The following OSBPL10 variants were observed in gnomAD, a reference collection of about 807,000 sequenced individuals.
OSBPL10 encodes oxysterol binding protein like 10.
Under a neutral mutation model 81.7 loss-of-function variants are expected in OSBPL10, and 49 were observed. The observed-to-expected ratio is 0.60, with a 90% CI of 0.48 to 0.76. OSBPL10 has a LOEUF of 0.76. Ranked by LOEUF, OSBPL10 falls within the 30% of genes least tolerant of loss-of-function variation. The pLI, the probability that OSBPL10 is intolerant of heterozygous loss-of-function variation, is 0.00. For synonymous variants in OSBPL10, 419 were observed against 383.6 expected, an observed-to-expected ratio of 1.09 and a Z score of -1.08; for missense variants, 923 against 987.8, an observed-to-expected ratio of 0.93 and a Z score of 0.88.
At chr3:31,978,581 C>T (rs186741233) in intron 1 of OSBPL10, among the ~76,000 whole-genome samples, 1 of 152,158 alleles carries the variant, frequency 6.6e-6, no homozygotes, top group Non-Finnish European at 1.5e-5. Flanking sequence ...CCTCAGCCAT[C>T]GTTCAAAGAA....
chr3:32,016,365 A>G lies in OSBPL10; in HGVS notation n.298+30126T>C, dbSNP rs11926583. On this transcript the variant is annotated intron_variant and non_coding_transcript_variant, in intron 2 of 3. Coordinates refer to the OSBPL10 transcript ENST00000479173. Reference sequence around the variant, plus strand: ...GCAAGGACAAAAAACCAAACACCGCATGTTCTCACTCATAGGTGGGAATTG... The same window carrying G: ...GCAAGGACAAAAAACCAAACACCGCGTGTTCTCACTCATAGGTGGGAATTG... Among the ~76,000 whole-genome samples, 61 of 152,188 alleles carry G rather than the reference A, an allele frequency of 4.0e-4. 2 individuals carry two copies. Among genetic ancestry groups the G allele is most frequent in the Non-Finnish European group, 6.5e-4 (44 of 68,012 alleles).
intron 10 of OSBPL10, among the ~76,000 whole-genome samples, chr3:31,667,172 A>G (rs974476025): frequency 1.3e-5 from 2 of 152,254 alleles, no homozygotes; most frequent in Non-Finnish European, 2.9e-5. Flanking sequence ...TCATGATATG[A>G]ACCACAGGTT....
At chr3:31,868,982 G>A (rs1701250509) in intron 3 of OSBPL10, among the ~76,000 whole-genome samples, 1 of 152,162 alleles carries the variant, frequency 6.6e-6, no homozygotes, top group Admixed American at 6.5e-5. Flanking sequence ...ACATAGCCAC[G>A]AATGGATTAA....
chr3:31,863,251 G>T (rs1046846578), intron 3 of OSBPL10, among the ~76,000 whole-genome samples: 1 of 152,168 alleles, frequency 6.6e-6, no homozygotes, highest in Admixed American at 6.5e-5. Context: ...GTTGCCAGGG[G>T]CTGGGAAGAC....
intron 1 of OSBPL10, among the ~76,000 whole-genome samples, chr3:31,927,380 C>T (rs1226188746): frequency 6.6e-6 from 1 of 152,108 alleles, no homozygotes; most frequent in Non-Finnish European, 1.5e-5. Flanking sequence ...TAACTGTTTC[C>T]ATTAGAACAC....
At chr3:31,850,596 T>C (rs1312362311) in intron 3 of OSBPL10, among the ~76,000 whole-genome samples, 1 of 151,640 alleles carries the variant, frequency 6.6e-6, no homozygotes. Flanking sequence ...GTGAGAAAAA[T>C]TTCACTCTCC....
At chr3:31,898,218 G>A (rs749345516) in intron 1 of OSBPL10, among the ~76,000 whole-genome samples, 3 of 151,780 alleles carry the variant, frequency 2.0e-5, no homozygotes, top group Non-Finnish European at 2.9e-5. Context: ...CGCATAGCAG[G>A]GTGACTATAG....
chr3:31,729,993 G>A (rs752045256), intron 6 of OSBPL10, among the ~76,000 whole-genome samples: 1 of 152,232 alleles, frequency 6.6e-6, no homozygotes, highest in Admixed American at 6.5e-5. Flanking sequence ...CCAACTGTAA[G>A]AAAGTCTGGG....
At chr3:31,907,785 A>C (rs532664409) in intron 1 of OSBPL10, among the ~76,000 whole-genome samples, 1 of 152,238 alleles carries the variant, frequency 6.6e-6, no homozygotes, top group Admixed American at 6.5e-5. Context: ...TTCACTGCCA[A>C]AGACTCCTCT....
chr3:31,725,445 T>C (rs1199278672), intron 6 of OSBPL10, among the ~76,000 whole-genome samples: 1 of 152,326 alleles, frequency 6.6e-6, no homozygotes, highest in East Asian at 1.9e-4. Context: ...GATGATCAAA[T>C]CATTGTTCAT....
chr3:31,998,819 G>A (rs1699116817), intron 2 of OSBPL10, among the ~76,000 whole-genome samples: 1 of 152,058 alleles, frequency 6.6e-6, no homozygotes, highest in Admixed American at 6.6e-5. Context: ...ATTGGCTATG[G>A]TAGATCTGCA....
rs749645813 is a variant in OSBPL10, at chr3:31,990,495, TA to T, written n.298+55995del. 39 of 1,555,462 alleles carry T rather than the reference TA, an allele frequency of 2.5e-5. No individual in the cohort carries two copies. In the African/African-American group the frequency reaches 4.8e-4, roughly 19 times the overall value. ...ATCACAATTCAGCCCTTGTAATTCATAAGGCAATTCATACTGGAGAGAAACC... is the reference window on the plus strand; with the variant it reads ...ATCACAATTCAGCCCTTGTAATTCATAGGCAATTCATACTGGAGAGAAACC... On this transcript the variant is annotated intron_variant and non_coding_transcript_variant, in intron 2 of 3. Transcript: ENST00000479173.
chr3:31,849,096 T>C (rs1700700650), intron 3 of OSBPL10, among the ~76,000 whole-genome samples: 1 of 152,216 alleles, frequency 6.6e-6, no homozygotes, highest in Admixed American at 6.5e-5. Flanking sequence ...CTTCTGCTCC[T>C]GCTACTTTTG....
intron 8 of OSBPL10, among the ~76,000 whole-genome samples, chr3:31,674,690 G>A (rs562416147): frequency 6.6e-6 from 1 of 152,272 alleles, no homozygotes; most frequent in South Asian, 2.1e-4. Flanking sequence ...CCCCACACAG[G>A]GGTTCCCCTT....
intron 2 of OSBPL10, chr3:31,990,291 C>G (rs1699008633): frequency 6.2e-7 from 1 of 1,614,064 alleles, no homozygotes; most frequent in Non-Finnish European, 8.5e-7. Context: ...ATGATTGTCA[C>G]AAAGTCTTCA....
chr3:32,070,632 G>C (rs184588940), intron 1 of OSBPL10, among the ~76,000 whole-genome samples: 1 of 152,232 alleles, frequency 6.6e-6, no homozygotes, highest in Admixed American at 6.5e-5. Context: ...CTACAGCATG[G>C]GCTTCTAAAA....
chr3:31,840,962 G>A (rs1387000522), intron 3 of OSBPL10, among the ~76,000 whole-genome samples: 1 of 152,208 alleles, frequency 6.6e-6, no homozygotes, highest in African/African-American at 2.4e-5. Context: ...AGGCTGGAGT[G>A]CAATGGCGTG....
intron 8 of OSBPL10, among the ~76,000 whole-genome samples, chr3:31,679,050 T>C (rs1302951282): frequency 1.3e-5 from 2 of 151,984 alleles, no homozygotes; most frequent in African/African-American, 4.8e-5. Context: ...TCTGGCTTTA[T>C]CTCCTCTCTT....
At chr3:32,009,089 A>T (rs1400332922) in intron 2 of OSBPL10, among the ~76,000 whole-genome samples, 1 of 152,232 alleles carries the variant, frequency 6.6e-6, no homozygotes, top group African/African-American at 2.4e-5. Context: ...GTGTTTTTAC[A>T]GTCACTGTAA....
Sources: gnomAD v4.1 joint callset for allele counts (sites outside exome capture counted in the v4.1 genomes callset) on GRCh38, gnomAD v4.1.1 for gene constraint, MANE v1.5 for transcripts, NCBI Gene and HGNC (gene_info 2026-07-23, HGNC 2026-07-21) for gene names.